The following NAALADL2 variants were observed in gnomAD, a reference collection of about 807,000 sequenced individuals.
NAALADL2 encodes N-acetylated alpha-linked acidic dipeptidase like 2.
Under a neutral mutation model 87.2 loss-of-function variants are expected in NAALADL2, and 76 were observed. The ratio of observed to expected loss-of-function variants is 0.87; its 90% CI spans 0.72 to 1.05. The LOEUF (loss-of-function observed/expected upper bound fraction) is 1.05. Among genes scored for constraint, NAALADL2 ranks in the 50% least tolerant of loss-of-function variants. The probability of loss-of-function intolerance (pLI) is 0.00; values close to 1 mark genes in which losing one functional copy is unlikely to be tolerated. For synonymous variants in NAALADL2, 354 were observed against 331.0 expected (o/e 1.07, Z -0.75); for missense variants, 1,089 against 945.8 (o/e 1.15, Z -1.99).
intron 1 of NAALADL2, among the ~76,000 whole-genome samples, chr3:174,504,223 T>G (rs1214565164): frequency 6.6e-6 from 1 of 152,160 alleles, no homozygotes; most frequent in Non-Finnish European, 1.5e-5. Flanking sequence ...CATCATAATA[T>G]TCTATGGTAA....
chr3:174,656,043 T>C (rs1336939473), intron 2 of NAALADL2, among the ~76,000 whole-genome samples: 3 of 152,236 alleles, frequency 2.0e-5, no homozygotes, highest in Admixed American at 6.5e-5. Flanking sequence ...TTGTTTAAAA[T>C]GTCTTCTAAA....
intron 11 of NAALADL2, among the ~76,000 whole-genome samples, chr3:175,707,620 C>T (rs907387880): frequency 6.6e-6 from 1 of 151,988 alleles, no homozygotes; most frequent in African/African-American, 2.4e-5. Flanking sequence ...TCTTGACTTC[C>T]CTGAATCTCA....
At chr3:174,781,050 C>A (rs1240389181) in intron 3 of NAALADL2, among the ~76,000 whole-genome samples, 1 of 151,912 alleles carries the variant, frequency 6.6e-6, no homozygotes, top group Non-Finnish European at 1.5e-5. Flanking sequence ...CTTAGTTTGG[C>A]TGGATATGAA....
intron 4 of NAALADL2, among the ~76,000 whole-genome samples, chr3:175,303,081 C>A (rs991708122): frequency 6.6e-6 from 1 of 152,082 alleles, no homozygotes; most frequent in African/African-American, 2.4e-5. Context: ...ATACATTTAA[C>A]ATACACATAA....
At chr3:175,745,403 C>T (rs925550207) in intron 12 of NAALADL2, among the ~76,000 whole-genome samples, 3 of 152,064 alleles carry the variant, frequency 2.0e-5, no homozygotes, top group African/African-American at 7.2e-5. Flanking sequence ...CCTCAGTATC[C>T]ATGGAGAATT....
rs374973464 is a variant in NAALADL2, at chr3:175,350,686, A to AT, written c.1090+26367dup. On this transcript the variant is annotated intron_variant, in intron 5 of 13. Transcript: ENST00000454872. ...GAGTGGGAAGACAAAGAAATCATGAATTTTTTGTAGGGAGAAGTCTCTCAC... is the reference window on the plus strand; with the variant it reads ...GAGTGGGAAGACAAAGAAATCATGAATTTTTTTGTAGGGAGAAGTCTCTCAC... 4.0e-3 allele frequency among the ~76,000 whole-genome samples: 613 copies of AT among 152,252 alleles called. 2 individuals are homozygous for AT. The highest frequency in any genetic ancestry group is 0.01 in the Middle Eastern group (3 of 294).
At chr3:175,181,566 A>G (rs1736477036) in intron 2 of NAALADL2, among the ~76,000 whole-genome samples, 1 of 150,768 alleles carries the variant, frequency 6.6e-6, no homozygotes. Context: ...AACATGTGGT[A>G]TTTGTCTTTC....
intron 1 of NAALADL2, among the ~76,000 whole-genome samples, chr3:174,959,068 G>A (rs1181911487): frequency 1.3e-5 from 2 of 152,008 alleles, no homozygotes; most frequent in Non-Finnish European, 2.9e-5. Context: ...TGAATTTGGT[G>A]GACATCTGCT....
chr3:175,704,203 A>G (rs899600615), intron 11 of NAALADL2, among the ~76,000 whole-genome samples: 3 of 152,204 alleles, frequency 2.0e-5, no homozygotes, highest in South Asian at 2.1e-4. Context: ...CTTGCAATAC[A>G]CTAAATAAAT....
At chr3:175,413,929 T>C (rs1376601435) in intron 5 of NAALADL2, among the ~76,000 whole-genome samples, 3 of 152,336 alleles carry the variant, frequency 2.0e-5, no homozygotes, top group Admixed American at 2.0e-4. Flanking sequence ...TTTAGAACTG[T>C]GGGTCTTCAG....
intron 4 of NAALADL2, among the ~76,000 whole-genome samples, chr3:175,301,840 C>T (rs1757122985): frequency 1.3e-5 from 2 of 152,166 alleles, no homozygotes; most frequent in Admixed American, 1.3e-4. Flanking sequence ...GGATATGAAG[C>T]TGTTTGCTTG....
rs1487682021 is a variant in NAALADL2 at position 175,099,938 on chromosome 3, AATTAT to A, written c.545+2653_545+2657del. On this transcript the variant is annotated intron_variant, in intron 2 of 13. Transcript: ENST00000454872. Reference sequence around the variant, plus strand: ...GAAACAGATCTGTGTTTAATTCATCAATTATATTATGTATTTTAAAATTTTATCAT... The same window carrying A: ...GAAACAGATCTGTGTTTAATTCATCAATTATGTATTTTAAAATTTTATCAT... Among the ~76,000 whole-genome samples, 15 of 151,718 alleles carry A rather than the reference AATTAT, an allele frequency of 9.9e-5. 1 individual carries two copies. The highest frequency in any genetic ancestry group is 4.1e-4 in the South Asian group (2 of 4,826).
intron 13 of NAALADL2, chr3:175,775,090 GC>G (rs1347138126): frequency 3.0e-5 from 4 of 134,904 alleles, no homozygotes; most frequent in South Asian, 2.3e-4. Context: ...AAGTAGTAAG[GC>G]CTTTTTTTTT....
intron 9 of NAALADL2, among the ~76,000 whole-genome samples, chr3:175,518,442 A>G (rs1732182198): frequency 6.6e-6 from 1 of 152,238 alleles, no homozygotes; most frequent in South Asian, 2.1e-4. Flanking sequence ...TGGCCACACA[A>G]ATATGTATAC....
chr3:175,346,407 G>A (rs1763163956), intron 5 of NAALADL2, among the ~76,000 whole-genome samples: 1 of 151,956 alleles, frequency 6.6e-6, no homozygotes, highest in Admixed American at 6.6e-5. Context: ...TCCATATGCT[G>A]TGCCCATCTT....
rs1560995500 is a variant in NAALADL2 at position 175,698,436 on chromosome 3, T to TATGTATGTGTATTTATGTATGTATAC, written c.1897-38868_1897-38867insGTATGTGTATTTATGTATGTATACAT. Reference sequence around the variant, plus strand: ...GTATGTATACATATGTATGTGTATATATTTATGTATGTATACATATATGTG... The same window carrying TATGTATGTGTATTTATGTATGTATAC: ...GTATGTATACATATGTATGTGTATATATGTATGTGTATTTATGTATGTATACATTTATGTATGTATACATATATGTG... On this transcript the variant is annotated intron_variant, in intron 11 of 13. Coordinates refer to ENST00000454872, the MANE Select transcript of NAALADL2 (RefSeq NM_207015.3). Among the ~76,000 whole-genome samples the TATGTATGTGTATTTATGTATGTATAC allele has an allele frequency of 8.9e-5, 12 of 135,214 alleles. 2 individuals are homozygous for TATGTATGTGTATTTATGTATGTATAC. Among genetic ancestry groups the TATGTATGTGTATTTATGTATGTATAC allele is most frequent in the African/African-American group, 2.9e-4 (10 of 34,648 alleles). 88.7% of individuals were successfully genotyped at this position (135,214 alleles called of 152,430 possible). A position where few individuals can be genotyped will look rare whatever the true frequency, so the allele number is the denominator to read the frequency against.
intron 1 of NAALADL2, among the ~76,000 whole-genome samples, chr3:174,993,486 T>C (rs1184350468): frequency 6.6e-6 from 1 of 151,942 alleles, no homozygotes; most frequent in Non-Finnish European, 1.5e-5. Flanking sequence ...TTAAAATAAA[T>C]ATTATCAAAG....
chr3:174,557,846 A>T (rs1166765981), intron 2 of NAALADL2, among the ~76,000 whole-genome samples: 3 of 152,180 alleles, frequency 2.0e-5, no homozygotes, highest in African/African-American at 7.2e-5. Flanking sequence ...GAAAGGGTGT[A>T]TGGGGAAACC....
chr3:175,219,504 T>C (rs1198361378), intron 2 of NAALADL2, among the ~76,000 whole-genome samples: 3 of 152,172 alleles, frequency 2.0e-5, no homozygotes, highest in Admixed American at 6.5e-5. Flanking sequence ...TTATGGCATC[T>C]TTAATGATTA....
Sources: gnomAD v4.1 joint callset for allele counts (sites outside exome capture counted in the v4.1 genomes callset) on GRCh38, gnomAD v4.1.1 for gene constraint, MANE v1.5 for transcripts, NCBI Gene and HGNC (gene_info 2026-07-23, HGNC 2026-07-21) for gene names.